The following MAGI1 variants were observed in gnomAD, a reference collection of about 807,000 sequenced individuals.
MAGI1 encodes membrane-associated guanylate kinase, WW and PDZ domain-containing protein 1.
MAGI1 carries 58 observed loss-of-function variants against 139.9 expected under a neutral mutation model. The ratio of observed to expected loss-of-function variants is 0.41; its 90% CI spans 0.34 to 0.52. MAGI1 has a LOEUF of 0.52. MAGI1 is among the 20% of genes least tolerant of loss of function. MAGI1 has a pLI of 0.12. For synonymous variants in MAGI1, 812 were observed against 737.9 expected, an observed-to-expected ratio of 1.10 and a Z score of -1.63; for missense variants, 1,874 against 1,901.6, an observed-to-expected ratio of 0.99 and a Z score of 0.27.
At chr3:65,685,146 T>C (rs2087912594) in intron 1 of MAGI1, among the ~76,000 whole-genome samples, 1 of 151,994 alleles carries the variant, frequency 6.6e-6, no homozygotes. Flanking sequence ...AAACTGCCTA[T>C]GAATCCACAA....
intron 3 of MAGI1, 22 bp downstream of exon 3, chr3:65,493,490 T>C: frequency 6.2e-7 from 1 of 1,614,136 alleles, no homozygotes; most frequent in Non-Finnish European, 8.5e-7. Flanking sequence ...AAGCTTTTTA[T>C]GCTGTCGTAC....
At chr3:65,821,477 C>T (rs1231700996) in intron 1 of MAGI1, among the ~76,000 whole-genome samples, 1 of 152,156 alleles carries the variant, frequency 6.6e-6, no homozygotes, top group Admixed American at 6.5e-5. Context: ...AAACTGAATA[C>T]ATTAAAATAC....
At chr3:65,701,744 C>CT (rs2089626582) in intron 1 of MAGI1, among the ~76,000 whole-genome samples, 1 of 152,060 alleles carries the variant, frequency 6.6e-6, no homozygotes, top group African/African-American at 2.4e-5. Flanking sequence ...AGATTTTTCC[C>CT]TTTTTTCTTC....
chr3:65,957,102 C>A (rs1380771005), intron 1 of MAGI1, among the ~76,000 whole-genome samples: 1 of 151,980 alleles, frequency 6.6e-6, no homozygotes, highest in Admixed American at 6.6e-5. Flanking sequence ...TACATATATA[C>A]CAAAAGGCAT....
At position 65,694,869 on chromosome 3, in the gene MAGI1, A is replaced by G. The variant is rs141240523; in HGVS notation, c.314-72781T>C. On this transcript the variant is annotated intron_variant, in intron 1 of 22. Coordinates refer to ENST00000402939, the MANE Select transcript of MAGI1 (RefSeq NM_001033057.2). Reference sequence around the variant, plus strand: ...TACCTGGCTGGCTGTCTCTTTGAACAGGCTGAGATAATTGGTTTTCTTTAC... The same window carrying G: ...TACCTGGCTGGCTGTCTCTTTGAACGGGCTGAGATAATTGGTTTTCTTTAC... Among the ~76,000 whole-genome samples, 1,508 of 152,340 alleles carry G rather than the reference A, an allele frequency of 9.9e-3. 29 individuals carry two copies. The highest frequency in any genetic ancestry group is 0.034 in the African/African-American group (1,410 of 41,574).
chr3:65,899,540 C>G (rs947316091), intron 1 of MAGI1, among the ~76,000 whole-genome samples: 1 of 152,220 alleles, frequency 6.6e-6, no homozygotes, highest in Non-Finnish European at 1.5e-5. Flanking sequence ...TGGCAAAACA[C>G]TACCATCCTT....
intron 2 of MAGI1, among the ~76,000 whole-genome samples, chr3:65,611,623 T>C (rs1049804020): frequency 1.8e-5 from 2 of 110,878 alleles, no homozygotes; most frequent in Non-Finnish European, 4.1e-5. Context: ...TACTAGTATA[T>C]ACAGTATATA....
intron 1 of MAGI1, among the ~76,000 whole-genome samples, chr3:65,740,668 C>G (rs1402170941): frequency 6.6e-6 from 1 of 152,194 alleles, no homozygotes; most frequent in East Asian, 1.9e-4. Context: ...AAGAAATAAT[C>G]TACTCTCAAC....
chr3:65,824,041 T>G (rs139495808), intron 1 of MAGI1, among the ~76,000 whole-genome samples: 63 of 152,348 alleles, frequency 4.1e-4, no homozygotes, highest in African/African-American at 1.4e-3. Context: ...TTCCTAGAGT[T>G]CCTACCACAA....
intron 18 of MAGI1, among the ~76,000 whole-genome samples, chr3:65,368,652 T>C (rs994790045): frequency 2.0e-5 from 3 of 152,194 alleles, no homozygotes; most frequent in African/African-American, 7.2e-5. Flanking sequence ...GATAAACACG[T>C]ATGTAATAAA....
At chr3:65,561,144 T>C (rs750147846) in intron 2 of MAGI1, among the ~76,000 whole-genome samples, 1 of 152,210 alleles carries the variant, frequency 6.6e-6, no homozygotes, top group Non-Finnish European at 1.5e-5. Context: ...AAAGCTTTTA[T>C]AGATCTTCAA....
At chr3:65,784,127 A>C (rs2039179989) in intron 1 of MAGI1, among the ~76,000 whole-genome samples, 1 of 152,092 alleles carries the variant, frequency 6.6e-6, no homozygotes, top group South Asian at 2.1e-4. Flanking sequence ...CATCTCAAAA[A>C]AAAAAGGTGC....
rs1013233026 is a variant in MAGI1 at position 65,984,064 on chromosome 3, C to T, written c.313+53932G>A. Among the ~76,000 whole-genome samples the T allele has an allele frequency of 5.3e-5, 8 of 152,214 alleles. No individual in the cohort carries two copies. The South Asian group carries it at 1.7e-3, about 32-fold the overall frequency. On this transcript the variant is annotated intron_variant, in intron 1 of 22. Transcript: ENST00000402939. The stretch of plus-strand genomic sequence containing the variant: ...TTCCCAACACTTTGGGAGGCTAAGG[C>T]GGGTGGATCACCTGAGGTCAGGAGT...
chr3:65,387,415 TA>T (rs1299115701), intron 14 of MAGI1, among the ~76,000 whole-genome samples: 14 of 151,772 alleles, frequency 9.2e-5, no homozygotes, highest in Non-Finnish European at 1.6e-4. Context: ...GCTTTACTTG[TA>T]AAAAAGGTAG....
In MAGI1 at chr3:65,530,823, GTA is replaced by G. The variant is rs1372118677; in HGVS notation, c.431-37194_431-37193del. 6.9e-3 allele frequency among the ~76,000 whole-genome samples: 93 copies of G among 13,542 alleles called. 6 individuals are homozygous for G. Among genetic ancestry groups the G allele is most frequent in the South Asian group, 0.026 (8 of 304 alleles). 8.9% of individuals were successfully genotyped at this position (13,542 alleles called of 152,430 possible). On this transcript the variant is annotated intron_variant, in intron 2 of 22. Transcript: ENST00000402939. Reference sequence around the variant, plus strand: ...TATATATACACACATATATATACACGTATATATATATATATACACACACACAC... The same window carrying G: ...TATATATACACACATATATATACACGTATATATATATATACACACACACAC...
chr3:65,650,734 T>C (rs1576601074), intron 1 of MAGI1, among the ~76,000 whole-genome samples: 1 of 152,204 alleles, frequency 6.6e-6, no homozygotes, highest in African/African-American at 2.4e-5. Flanking sequence ...GGGAACCTAT[T>C]AGGAGTCCAG....
intron 2 of MAGI1, among the ~76,000 whole-genome samples, chr3:65,595,344 T>A (rs1320515742): frequency 6.6e-6 from 1 of 152,184 alleles, no homozygotes; most frequent in African/African-American, 2.4e-5. Flanking sequence ...GTCTTGGGTA[T>A]CAAACGTATA....
intron 1 of MAGI1, among the ~76,000 whole-genome samples, chr3:65,753,448 C>G (rs2107835009): frequency 6.6e-6 from 1 of 152,206 alleles, no homozygotes; most frequent in South Asian, 2.1e-4. Context: ...GTTAAAAAAG[C>G]AATCTGTCAC....
Position 66,038,879 on chromosome 3 carries a change from C to G in MAGI1, c.-571G>C, listed in dbSNP as rs1294411428. The G allele has an allele frequency of 6.6e-6, 1 of 152,116 alleles. No homozygotes were observed. The highest frequency in any genetic ancestry group is 1.5e-5 in the Non-Finnish European group (1 of 68,050). The allele number at this position is 152,116 out of a possible 1,614,324, so 9.4% of individuals were successfully genotyped here. ...TGTTACAGTTCATTCTATTCCGCGC[C>G]GCGGAGCGCAGCGGCCGGCGACAGG... On this transcript the variant is annotated 5_prime_UTR_variant, in exon 1 of 23. Coordinates refer to ENST00000402939, the MANE Select transcript of MAGI1 (RefSeq NM_001033057.2).
Sources: allele counts gnomAD v4.1 joint callset (sites outside exome capture counted in the v4.1 genomes callset), GRCh38; gene constraint gnomAD v4.1.1; transcripts MANE v1.5; gene names NCBI Gene and HGNC (gene_info 2026-07-23, HGNC 2026-07-21).